Variants in ZHX2 observed in about 807,000 individuals in gnomAD.
The protein encoded by ZHX2 is zinc fingers and homeoboxes protein 2.
In ZHX2, 6 loss-of-function variants were observed where a neutral mutation model predicts 21.9. The ratio of observed to expected loss-of-function variants is 0.27; its 90% CI spans 0.15 to 0.54. The LOEUF (loss-of-function observed/expected upper bound fraction) is 0.54, where lower values mean the gene tolerates loss of function less well. ZHX2 is among the 20% of genes least tolerant of loss of function. The probability of loss-of-function intolerance (pLI) is 0.95; values close to 1 mark genes in which losing one functional copy is unlikely to be tolerated. For synonymous variants in ZHX2, 434 were observed against 437.1 expected (o/e 0.99, Z 0.09); for missense variants, 908 against 1,090.7 (o/e 0.83, Z 2.36).
chr8:122,915,317 G>A (rs1234377351), intron 2 of ZHX2, among the ~76,000 whole-genome samples: 1 of 152,150 alleles, frequency 6.6e-6, no homozygotes, highest in Non-Finnish European at 1.5e-5. Context: ...GCCCTGTCAT[G>A]CTATAAGAGT....
At chr8:122,963,889 T>C (rs1319624793) in intron 3 of ZHX2, among the ~76,000 whole-genome samples, 1 of 152,014 alleles carries the variant, frequency 6.6e-6, no homozygotes. Flanking sequence ...TGTTGTTTCT[T>C]TGTTTGTTTG....
At chr8:122,787,781 C>T (rs1490341151) in intron 1 of ZHX2, among the ~76,000 whole-genome samples, 1 of 152,176 alleles carries the variant, frequency 6.6e-6, no homozygotes, top group Non-Finnish European at 1.5e-5. Context: ...GGGCTACAGC[C>T]CCTCCTTGTC....
At chr8:122,813,715 G>A (rs1817975327) in intron 1 of ZHX2, among the ~76,000 whole-genome samples, 2 of 152,050 alleles carry the variant, frequency 1.3e-5, no homozygotes, top group African/African-American at 2.4e-5. Flanking sequence ...CATTTCTAAT[G>A]CAAAGATCCA....
chr8:122,966,367 G>T (rs547630854), intron 3 of ZHX2, among the ~76,000 whole-genome samples: 1 of 152,112 alleles, frequency 6.6e-6, no homozygotes, highest in African/African-American at 2.4e-5. Flanking sequence ...AATTCTCTCA[G>T]TATTTGTTTG....
intron 1 of ZHX2, among the ~76,000 whole-genome samples, chr8:122,849,066 C>T (rs2130734880): frequency 6.6e-6 from 1 of 152,322 alleles, no homozygotes; most frequent in South Asian, 2.1e-4. Flanking sequence ...CTGGTGGCTA[C>T]CAAGAAACAT....
At chr8:122,850,114 C>G (rs1818852098) in intron 1 of ZHX2, among the ~76,000 whole-genome samples, 1 of 152,196 alleles carries the variant, frequency 6.6e-6, no homozygotes, top group South Asian at 2.1e-4. Context: ...ATCCACATTT[C>G]TTCTTTTTCT....
At chr8:122,936,823 T>G (rs1812710702) in intron 2 of ZHX2, among the ~76,000 whole-genome samples, 1 of 152,188 alleles carries the variant, frequency 6.6e-6, no homozygotes, top group Admixed American at 6.5e-5. Context: ...TTGGCTTCTA[T>G]CCAGTGCCCT....
rs141683300 is a variant in ZHX2, at chr8:122,950,033, T to C, written c.-219-1259T>C. On this transcript the variant is annotated intron_variant, in intron 2 of 3. Transcript: ENST00000314393. ...TGTAAATAGGCTGGATCCAGCTGTATAGGCTGGATTGTAAGTCAAGCCCTC... is the reference window on the plus strand; with the variant it reads ...TGTAAATAGGCTGGATCCAGCTGTACAGGCTGGATTGTAAGTCAAGCCCTC... Among the ~76,000 whole-genome samples, 472 of 152,284 alleles carry C rather than the reference T, an allele frequency of 3.1e-3. 1 individual carries two copies. The highest frequency in any genetic ancestry group is 0.01 in the African/African-American group (416 of 41,570).
At chr8:122,841,890 A>T (rs1818637856) in intron 1 of ZHX2, among the ~76,000 whole-genome samples, 1 of 152,176 alleles carries the variant, frequency 6.6e-6, no homozygotes, top group Non-Finnish European at 1.5e-5. Flanking sequence ...CCCAGTGACA[A>T]CCTAAACTTG....
chr8:122,904,646 C>T (rs1231873242), intron 2 of ZHX2, among the ~76,000 whole-genome samples: 1 of 152,154 alleles, frequency 6.6e-6, no homozygotes, highest in African/African-American at 2.4e-5. Context: ...TGGACCCCTA[C>T]TTAGTAATAA....
intron 1 of ZHX2, among the ~76,000 whole-genome samples, chr8:122,797,099 T>A (rs1341203915): frequency 6.6e-6 from 1 of 152,146 alleles, no homozygotes; most frequent in Non-Finnish European, 1.5e-5. Flanking sequence ...ATGAGATATG[T>A]GAGTAATCAG....
chr8:122,906,498 A>G (rs974640139), intron 2 of ZHX2, among the ~76,000 whole-genome samples: 1 of 152,164 alleles, frequency 6.6e-6, no homozygotes, highest in Admixed American at 6.5e-5. Flanking sequence ...TGAATAATGC[A>G]TCTAGTGCCA....
At chr8:122,865,192 G>A (rs990898164) in intron 2 of ZHX2, among the ~76,000 whole-genome samples, 27 of 150,902 alleles carry the variant, frequency 1.8e-4, no homozygotes, top group East Asian at 3.9e-4. Context: ...GCAGTGGCAC[G>A]ATCTCTGCTC....
intron 2 of ZHX2, 130 bp from the exon 3 acceptor site, chr8:122,951,162 G>A (rs566892750): frequency 1.4e-4 from 29 of 204,824 alleles, no homozygotes; most frequent in African/African-American, 6.0e-4. Context: ...GCACTTTCAC[G>A]CCGTCTGTGC....
intron 2 of ZHX2, among the ~76,000 whole-genome samples, chr8:122,903,102 T>C (rs184231987): frequency 9.2e-5 from 14 of 152,374 alleles, no homozygotes; most frequent in African/African-American, 3.1e-4. Context: ...CTGCTTCTCC[T>C]AGTCCTCTTC....
chr8:122,910,328 G>T (rs1820447830), intron 2 of ZHX2, among the ~76,000 whole-genome samples: 1 of 152,144 alleles, frequency 6.6e-6, no homozygotes, highest in Non-Finnish European at 1.5e-5. Context: ...TCAGTGACAT[G>T]CCCCAAAACA....
At chr8:122,848,043 G>A (rs1473284496) in intron 1 of ZHX2, among the ~76,000 whole-genome samples, 1 of 152,200 alleles carries the variant, frequency 6.6e-6, no homozygotes, top group Non-Finnish European at 1.5e-5. Flanking sequence ...TCCGCCGCAG[G>A]GAGCTCTTTC....
intron 2 of ZHX2, among the ~76,000 whole-genome samples, chr8:122,935,751 T>C (rs1360752458): frequency 6.6e-6 from 1 of 151,870 alleles, no homozygotes; most frequent in Non-Finnish European, 1.5e-5. Flanking sequence ...TAGCCAGGAT[T>C]GTCTCGATCT....
At chr8:122,912,418 C>G (rs954995473) in intron 2 of ZHX2, among the ~76,000 whole-genome samples, 29 of 152,200 alleles carry the variant, frequency 1.9e-4, no homozygotes, top group African/African-American at 6.3e-4. Flanking sequence ...GTAGGCTGCT[C>G]TATGTGACGC....
Sources: gnomAD v4.1 joint callset for allele counts (sites outside exome capture counted in the v4.1 genomes callset) on GRCh38, gnomAD v4.1.1 for gene constraint, MANE v1.5 for transcripts, NCBI Gene and HGNC (gene_info 2026-07-23, HGNC 2026-07-21) for gene names.